BYSL: variants seen among roughly 807,000 people sequenced by gnomAD.
BYSL encodes bystin like.
A neutral mutation model predicts 45.4 loss-of-function variants in BYSL; 21 were observed. That is an observed-to-expected ratio of 0.46 (90% CI 0.33 to 0.67). BYSL has a LOEUF of 0.67. Ranked by LOEUF, BYSL falls within the 30% of genes least tolerant of loss-of-function variation. The probability of loss-of-function intolerance (pLI) is 0.02; values close to 1 mark genes in which losing one functional copy is unlikely to be tolerated. For synonymous variants in BYSL, 215 were observed against 231.3 expected (o/e 0.93, Z 0.64); for missense variants, 522 against 578.5 (o/e 0.90, Z 1.00).
chr6:41,930,040 C>T, intron 2 of BYSL, 92 bp from the exon 3 acceptor site: 2 of 1,518,502 alleles, frequency 1.3e-6, no homozygotes, highest in Non-Finnish European at 1.8e-6. Flanking sequence ...GCGGTGCTCA[C>T]AGGGGACTGT....
the BYSL span, chr6:41,908,935 C>A: frequency 2.7e-6 from 1 of 366,884 alleles, no homozygotes; most frequent in South Asian, 8.5e-5. Context: ...GTAACCCCAG[C>A]ACTTTGGGGG....
intron 1 of BYSL, 25 bp from the exon 2 acceptor site, chr6:41,927,349 A>G: frequency 6.2e-7 from 1 of 1,612,532 alleles, no homozygotes; most frequent in South Asian, 1.1e-5. Context: ...TGCTGTGCTC[A>G]TCCATTTAGT....
chr6:41,920,788 C>CAA (rs927334036), upstream of BYSL: 38 of 454,270 alleles, frequency 8.4e-5, no homozygotes, highest in South Asian at 3.8e-4. Flanking sequence ...CAAAACAAAA[C>CAA]AAAAAAAAAA....
chr6:41,919,756 C>T (rs533736018), upstream of BYSL, among the ~76,000 whole-genome samples: 109 of 152,156 alleles, frequency 7.2e-4, no homozygotes, highest in African/African-American at 2.4e-3. Flanking sequence ...ACAGCAAGAC[C>T]CCATTTCTAT....
chr6:41,921,826 G>T lies in BYSL; in HGVS notation c.264G>T (p.Arg88=). Residue 88 remains arginine, a synonymous_variant, in exon 1 of 7, where the codon CGG becomes CGT. Coordinates refer to ENST00000230340, the MANE Select transcript of BYSL (RefSeq NM_004053.4). ...CGGCGCCGCGGGAACGCACCACGCG[G>T]CTGGGTGAGTGTCTGGGATGAGGTC... is the stretch of plus-strand genomic sequence containing the variant. ...KPAAPRERTT[R]LGPRMPQDGS... The T allele has an allele frequency of 6.2e-7, 1 of 1,610,504 alleles. No individual in the cohort carries two copies. The highest frequency in any genetic ancestry group is 8.5e-7 in the Non-Finnish European group (1 of 1,178,730).
chr6:41,909,107 G>A, the BYSL span: 6 of 897,230 alleles, frequency 6.7e-6, no homozygotes, highest in South Asian at 1.7e-5. Flanking sequence ...CCTGGAGGTC[G>A]AGGCTACAGT....
chr6:41,930,148 A>G lies in BYSL; in HGVS notation c.448A>G (p.Ile150Val), dbSNP rs1284756328. 1.2e-6 allele frequency: 2 copies of G among 1,612,868 alleles called. No individual in the cohort carries two copies. Among genetic ancestry groups the G allele is most frequent in the Non-Finnish European group, 1.7e-6 (2 of 1,178,832 alleles). Residue 150 changes from isoleucine (I) to valine (V), a missense_variant, in exon 3 of 7, where the codon ATC becomes GTC. By Grantham distance (29) the Ile-to-Val change is conservative. Coordinates refer to ENST00000230340, the MANE Select transcript of BYSL (RefSeq NM_004053.4). ...NPPARRTLAD[I>V]IMEKLTEKQT... Reference sequence around the variant, plus strand: ...CCCTCTTAGGCGCACCCTGGCTGACATCATCATGGAGAAGCTGACTGAGAA... The same window carrying G: ...CCCTCTTAGGCGCACCCTGGCTGACGTCATCATGGAGAAGCTGACTGAGAA...
Position 41,930,642 on chromosome 6 carries a change from C to T in BYSL, c.578C>T (p.Ser193Phe), listed in dbSNP as rs796793916. The T allele has an allele frequency of 6.2e-7, 1 of 1,610,116 alleles. No individual in the cohort carries two copies. Among genetic ancestry groups the T allele is most frequent in the Non-Finnish European group, 8.5e-7 (1 of 1,178,678 alleles). The stretch of plus-strand genomic sequence containing the variant: ...TACCTCCCTCATCCCTAGGTATTAT[C>T]TAAGTACCGCAGTGGAAAACTGCCC... ...EVYRGVREVL[S>F]KYRSGKLPKA... The change falls in exon 4 of 7, where the codon TCT (serine) becomes TTT (phenylalanine). Residue 193 changes from serine (S) to phenylalanine (F), a missense_variant. By Grantham distance (155) the Ser-to-Phe change is radical. Transcript: ENST00000230340.
chr6:41,910,602 A>C, the BYSL span, among the ~76,000 whole-genome samples: 1 of 151,016 alleles, frequency 6.6e-6, no homozygotes, highest in South Asian at 2.1e-4. Context: ...ACTGCACTCC[A>C]GTCTGGGCAA....
rs146342151 is a variant in BYSL, at chr6:41,924,085, A to G, written c.268+2255A>G. On this transcript the variant is annotated intron_variant, in intron 1 of 6. Transcript: ENST00000230340. The stretch of plus-strand genomic sequence containing the variant: ...CTTATCTTTTTTTTTTTTTTGAGAC[A>G]GAGTCTCGCTCCGTCACCCAGGCTG... Among the ~76,000 whole-genome samples, 242 of 148,760 alleles carry G rather than the reference A, an allele frequency of 1.6e-3. 1 individual carries two copies. Among genetic ancestry groups the G allele is most frequent in the Non-Finnish European group, 2.5e-3 (170 of 67,408 alleles).
At position 41,932,665 on chromosome 6, in the gene BYSL, G is replaced by C; in HGVS notation, c.1273G>C (p.Val425Leu). Residue 425 changes from valine (V) to leucine (L), a missense_variant, in exon 7 of 7, where the codon GTC becomes CTC. By Grantham distance (32) the Val-to-Leu change is conservative. Transcript: ENST00000230340. This position sits in a 1 kb window ranked among gnomAD's most constrained non-coding sequence, Gnocchi z 4.7. The part of the protein sequence containing the change: ...PEIRRELQSA[V>L]PRDVEDVPIT... ...AATCAGGCGTGAGCTTCAGAGTGCAGTCCCCCGCGATGTGGAAGATGTTCC... is the reference window on the plus strand; with the variant it reads ...AATCAGGCGTGAGCTTCAGAGTGCACTCCCCCGCGATGTGGAAGATGTTCC... 6.2e-7 allele frequency: 1 copy of C among 1,613,958 alleles called. No individual in the cohort carries two copies. The highest frequency in any genetic ancestry group is 8.5e-7 in the Non-Finnish European group (1 of 1,179,828).
Position 41,932,946 on chromosome 6 carries a change from C to G in BYSL, c.*240C>G, listed in dbSNP as rs1478401107. 5.7e-6 allele frequency: 3 copies of G among 523,264 alleles called. No homozygotes were observed. The highest frequency in any genetic ancestry group is 5.0e-4 in the Middle Eastern group (1 of 2,020). 32.4% of individuals were successfully genotyped at this position (523,264 alleles called of 1,614,324 possible). ...GAGAGCCAACTTGAGATACCATATG[C>G]TAGCATTCCCAGTCCCCAGCTGGGG... On this transcript the variant is annotated 3_prime_UTR_variant, in exon 7 of 7. Transcript: ENST00000230340. This position sits in a 1 kb window ranked among gnomAD's most constrained non-coding sequence, Gnocchi z 4.7.
chr6:41,921,880 G>T, intron 1 of BYSL, 50 bp downstream of exon 1: 1 of 1,554,752 alleles, frequency 6.4e-7, no homozygotes, highest in Non-Finnish European at 8.7e-7. Context: ...GTAGTGGGGC[G>T]GGGTGGGCAG....
chr6:41,923,209 A>G (rs764029790), intron 1 of BYSL, among the ~76,000 whole-genome samples: 3 of 151,586 alleles, frequency 2.0e-5, no homozygotes, highest in Non-Finnish European at 2.9e-5. Flanking sequence ...TGGCACAATC[A>G]TAGCTAACTG....
the BYSL span, among the ~76,000 whole-genome samples, chr6:41,911,134 T>C: frequency 6.7e-6 from 1 of 149,576 alleles, no homozygotes; most frequent in African/African-American, 2.5e-5. Context: ...GACAATCTCA[T>C]GAGAGAGATA....
At chr6:41,916,392 C>G in the BYSL span, among the ~76,000 whole-genome samples, 189 of 152,180 alleles carry the variant, frequency 1.2e-3, 1 homozygote, top group African/African-American at 4.4e-3. Flanking sequence ...TCAGCCTGAC[C>G]CACACAGAGA....
In BYSL at chr6:41,921,820, C is replaced by A; in HGVS notation, c.258C>A (p.Thr86=). ...GDKPAAPRER[T]TRLGPRMPQD... ...AGCCCGCGGCGCCGCGGGAACGCAC[C>A]ACGCGGCTGGGTGAGTGTCTGGGAT... The change falls in exon 1 of 7, where the codon ACC becomes ACA. Residue 86 remains threonine, a synonymous_variant. Transcript: ENST00000230340. The A allele has an allele frequency of 6.2e-7, 1 of 1,611,074 alleles. No homozygotes were observed. Among genetic ancestry groups the A allele is most frequent in the Non-Finnish European group, 8.5e-7 (1 of 1,178,968 alleles).
At chr6:41,930,949 G>C (rs963766490) in intron 4 of BYSL, among the ~76,000 whole-genome samples, 181 bp downstream of exon 4, 1 of 152,228 alleles carries the variant, frequency 6.6e-6, no homozygotes, top group Non-Finnish European at 1.5e-5. Flanking sequence ...CCAAGACCCA[G>C]TTAGCCAGTT....
intron 1 of BYSL, 136 bp downstream of exon 1, chr6:41,921,966 C>T (rs1775488546): frequency 2.3e-6 from 3 of 1,303,194 alleles, no homozygotes; most frequent in African/African-American, 3.0e-5. Flanking sequence ...GAGACTGAAC[C>T]CTGTCTAGAG....
Sources: allele counts gnomAD v4.1 joint callset (sites outside exome capture counted in the v4.1 genomes callset), GRCh38; gene constraint gnomAD v4.1.1; non-coding constraint Gnocchi (gnomAD v3.1); transcripts MANE v1.5; gene names NCBI Gene and HGNC (gene_info 2026-07-23, HGNC 2026-07-21).